The following CFAP47 variants were observed in gnomAD, a reference collection of about 807,000 sequenced individuals.
CFAP47 encodes cilia- and flagella-associated protein 47.
CFAP47 carries 29 observed loss-of-function variants against 148.1 expected under a neutral mutation model. The observed-to-expected ratio is 0.20, with a 90% CI of 0.15 to 0.27. CFAP47 has a LOEUF of 0.27. Ranked by LOEUF, CFAP47 falls within the 10% of genes least tolerant of loss-of-function variation. The pLI, the probability that CFAP47 is intolerant of heterozygous loss-of-function variation, is 1.00. For missense variants in CFAP47, 1,872 were observed against 1,697.5 expected (o/e 1.10, Z -1.81); for synonymous variants, 664 against 577.3 (o/e 1.15, Z -2.15).
intron 49 of CFAP47, among the ~76,000 whole-genome samples, chrX:36,255,512 C>T (rs1236179825): frequency 9.1e-6 from 1 of 109,792 alleles, no homozygotes; most frequent in Admixed American, 9.8e-5. Context: ...TGAAAGTGGG[C>T]TACATGTGGA....
chrX:36,107,936 T>C (rs968323049), intron 33 of CFAP47, among the ~76,000 whole-genome samples: 1 of 111,612 alleles, frequency 9.0e-6, no homozygotes, highest in Non-Finnish European at 1.9e-5. Context: ...TATTTTTCCC[T>C]TGACCATTCA....
At chrX:36,006,297 C>G (rs1161319092) in intron 21 of CFAP47, among the ~76,000 whole-genome samples, 1 of 111,098 alleles carries the variant, frequency 9.0e-6, no homozygotes, top group African/African-American at 3.3e-5. Flanking sequence ...AAGTGCCACA[C>G]TTTGCTTAGA....
Position 35,927,596 on chromosome X carries a change from GGT to G in CFAP47, c.401+1449_401+1450del, listed in dbSNP as rs371527797. Among the ~76,000 whole-genome samples, 288 of 106,035 alleles carry G rather than the reference GGT, an allele frequency of 2.7e-3. 1 individual carries two copies. The highest frequency in any genetic ancestry group is 8.2e-3 in the African/African-American group (238 of 28,996). The allele number at this position is 106,035 out of a possible 115,157, so 92.1% of individuals were successfully genotyped here. A position where few individuals can be genotyped will look rare whatever the true frequency, so the allele number is the denominator to read the frequency against. ...GGTGTGATGGACAGGGTTGAAGGAA[GGT>G]GTGTGTGTGTGTGTGTGTGTATGTG... is the stretch of plus-strand genomic sequence containing the variant. On this transcript the variant is annotated intron_variant, in intron 2 of 63. Coordinates refer to ENST00000378653, the MANE Select transcript of CFAP47 (RefSeq NM_001304548.2).
chrX:36,303,474 T>C (rs896340112), intron 53 of CFAP47, among the ~76,000 whole-genome samples: 1 of 110,611 alleles, frequency 9.0e-6, no homozygotes, highest in African/African-American at 3.3e-5. Flanking sequence ...CATGAGCCAC[T>C]GTGCCTGGTC....
chrX:36,164,847 A>T (rs746579634), intron 39 of CFAP47, among the ~76,000 whole-genome samples: 5 of 111,689 alleles, frequency 4.5e-5, no homozygotes, highest in African/African-American at 1.6e-4. Context: ...TTTGAAGTGC[A>T]TGATATTGTT....
intron 62 of CFAP47, among the ~76,000 whole-genome samples, chrX:36,375,567 T>G (rs1942015074): frequency 8.9e-6 from 1 of 112,359 alleles, no homozygotes; most frequent in Non-Finnish European, 1.9e-5. Context: ...AAATCCAATG[T>G]TTGTTTACTG....
chrX:36,356,664 TCTCA>T (rs1941788704), intron 60 of CFAP47, among the ~76,000 whole-genome samples: 1 of 111,197 alleles, frequency 9.0e-6, no homozygotes, highest in Non-Finnish European at 1.9e-5. Flanking sequence ...CTAGCTCCTT[TCTCA>T]CTCCTGTGCA....
chrX:36,036,405 G>A (rs1218965157), intron 24 of CFAP47, among the ~76,000 whole-genome samples: 1 of 108,648 alleles, frequency 9.2e-6, no homozygotes, highest in East Asian at 2.9e-4. Context: ...TTGTATGAAC[G>A]AATAATAGTC....
chrX:36,173,064 T>C (rs1019296507), intron 39 of CFAP47, among the ~76,000 whole-genome samples: 1 of 111,552 alleles, frequency 9.0e-6, no homozygotes, highest in African/African-American at 3.3e-5. Context: ...CCATTTCTTC[T>C]AGATTTTCTA....
At chrX:35,969,282 T>C (rs1389392423) in intron 10 of CFAP47, among the ~76,000 whole-genome samples, 5 of 111,473 alleles carry the variant, frequency 4.5e-5, no homozygotes, top group African/African-American at 1.6e-4. Flanking sequence ...TTGATAATTG[T>C]AATTTCTATT....
At chrX:36,360,149 G>C (rs1285387155) in intron 60 of CFAP47, among the ~76,000 whole-genome samples, 1 of 111,880 alleles carries the variant, frequency 8.9e-6, no homozygotes, top group East Asian at 2.8e-4. Flanking sequence ...TCCACTGATA[G>C]TGTAATAATA....
chrX:36,250,851 T>C (rs1434789887), intron 48 of CFAP47, among the ~76,000 whole-genome samples: 1 of 111,071 alleles, frequency 9.0e-6, no homozygotes, highest in Non-Finnish European at 1.9e-5. Flanking sequence ...CAGTGGGAAG[T>C]AGGAAGATAT....
intron 55 of CFAP47, among the ~76,000 whole-genome samples, chrX:36,308,867 ACT>A (rs1413954759): frequency 9.1e-6 from 1 of 110,410 alleles, no homozygotes; most frequent in East Asian, 2.8e-4. Context: ...CATGTGAAAA[ACT>A]CTGCAATGTA....
At chrX:36,141,895 C>T (rs757479927) in intron 35 of CFAP47, among the ~76,000 whole-genome samples, 1 of 109,624 alleles carries the variant, frequency 9.1e-6, no homozygotes, top group Non-Finnish European at 1.9e-5. Flanking sequence ...GGCTGAGTGG[C>T]GTCTTTTCTT....
At chrX:36,230,180 C>T (rs1240020688) in intron 46 of CFAP47, among the ~76,000 whole-genome samples, 4 of 97,611 alleles carry the variant, frequency 4.1e-5, no homozygotes, top group Admixed American at 1.1e-4. Context: ...CCTGAGGAAT[C>T]GCCACACTGA....
At chrX:36,306,674 C>A in intron 54 of CFAP47, 98 bp from the exon 55 acceptor site, 2 of 428,383 alleles carry the variant, frequency 4.7e-6, no homozygotes, top group South Asian at 8.3e-5. Context: ...ATTAATCACA[C>A]AAACATCGAC....
In CFAP47 at chrX:36,209,751, A is replaced by G. The variant is rs1327068674; in HGVS notation, c.6817+4641A>G. On this transcript the variant is annotated intron_variant, in intron 45 of 63. Transcript: ENST00000378653. ...TTTAAGGTTTGTTGAGATATCTTTC[A>G]CATACCATACAATTCACAAATTTAA... 3.6e-5 allele frequency among the ~76,000 whole-genome samples: 4 copies of G among 111,563 alleles called. No individual in the cohort carries two copies. The East Asian group carries it at 1.1e-3, about 31-fold the overall frequency.
intron 50 of CFAP47, 85 bp downstream of exon 50, chrX:36,280,715 C>T (rs782153258): frequency 1.1e-4 from 41 of 359,648 alleles, no homozygotes; most frequent in African/African-American, 4.2e-4. Flanking sequence ...ATAGTTTACA[C>T]GCATAATACA....
chrX:36,373,777 T>G (rs1556022374), intron 62 of CFAP47, among the ~76,000 whole-genome samples: 1 of 111,971 alleles, frequency 8.9e-6, no homozygotes, highest in African/African-American at 3.2e-5. Context: ...GAGTTTATCA[T>G]GAAATGATGT....
Sources: gnomAD v4.1 joint callset for allele counts (sites outside exome capture counted in the v4.1 genomes callset) on GRCh38, gnomAD v4.1.1 for gene constraint, MANE v1.5 for transcripts, NCBI Gene and HGNC (gene_info 2026-07-23, HGNC 2026-07-21) for gene names.